The following OPCML variants were observed in gnomAD, a reference collection of about 807,000 sequenced individuals.
OPCML encodes opioid-binding protein/cell adhesion molecule.
Under a neutral mutation model 37.8 loss-of-function variants are expected in OPCML, and 13 were observed. The observed-to-expected ratio is 0.34, with a 90% CI of 0.22 to 0.55. The LOEUF is 0.55. OPCML is among the 20% of genes least tolerant of loss of function. The pLI, the probability that OPCML is intolerant of heterozygous loss-of-function variation, is 0.91. For missense variants in OPCML, 341 were observed against 435.6 expected (o/e 0.78, Z 1.93); for synonymous variants, 176 against 168.8 (o/e 1.04, Z -0.33).
At chr11:132,435,191 A>G in intron 7 of OPCML, 1 of 1,289,862 alleles carries the variant, frequency 7.8e-7, no homozygotes, top group Non-Finnish European at 1.0e-6. Flanking sequence ...TATTTCTAAG[A>G]CACACACAGC....
intron 1 of OPCML, among the ~76,000 whole-genome samples, chr11:133,356,128 C>T (rs987972832): frequency 1.3e-5 from 2 of 152,108 alleles, no homozygotes; most frequent in Non-Finnish European, 1.5e-5. Context: ...AATCTCTCTT[C>T]CCAATGCTAT....
At chr11:132,934,846 T>C (rs539249721) in intron 2 of OPCML, among the ~76,000 whole-genome samples, 1 of 152,156 alleles carries the variant, frequency 6.6e-6, no homozygotes, top group Admixed American at 6.5e-5. Context: ...AGGAATCAAA[T>C]AATACAAAAG....
intron 2 of OPCML, among the ~76,000 whole-genome samples, chr11:132,708,335 C>G (rs1944120198): frequency 6.6e-6 from 1 of 152,168 alleles, no homozygotes; most frequent in South Asian, 2.1e-4. Flanking sequence ...AACATACATA[C>G]ACTTTCTTTC....
chr11:132,428,094 C>T (rs968070169), intron 7 of OPCML, among the ~76,000 whole-genome samples: 5 of 152,140 alleles, frequency 3.3e-5, no homozygotes, highest in African/African-American at 9.7e-5. Flanking sequence ...ATGTGATGAA[C>T]GTCTTCCTAA....
intron 3 of OPCML, among the ~76,000 whole-genome samples, chr11:132,632,962 A>G (rs1940247910): frequency 1.3e-5 from 2 of 151,032 alleles, no homozygotes; most frequent in East Asian, 1.9e-4. Flanking sequence ...AAAAAAAAAA[A>G]ACCATCCAGG....
At chr11:132,842,252 C>G (rs934400171) in intron 2 of OPCML, among the ~76,000 whole-genome samples, 1 of 152,148 alleles carries the variant, frequency 6.6e-6, no homozygotes, top group Non-Finnish European at 1.5e-5. Context: ...TCAAGTCTTC[C>G]TCTCACGCCG....
intron 2 of OPCML, among the ~76,000 whole-genome samples, chr11:132,775,478 C>T (rs2001903): frequency 1.3e-5 from 2 of 151,964 alleles, no homozygotes; most frequent in African/African-American, 4.8e-5. Context: ...AACACACACA[C>T]ACCAACTCAC....
intron 1 of OPCML, among the ~76,000 whole-genome samples, chr11:133,248,253 G>C (rs148369624): frequency 6.6e-6 from 1 of 152,264 alleles, no homozygotes; most frequent in Non-Finnish European, 1.5e-5. Flanking sequence ...CCAAAGAAGT[G>C]ATTTTGAAAA....
At chr11:133,138,380 G>A (rs921413731) in intron 1 of OPCML, among the ~76,000 whole-genome samples, 16 of 152,110 alleles carry the variant, frequency 1.1e-4, no homozygotes, top group Non-Finnish European at 2.4e-4. Flanking sequence ...TTAAGACAAG[G>A]GGTACCTCTG....
chr11:133,273,809 T>C (rs527672122), intron 1 of OPCML, among the ~76,000 whole-genome samples: 1 of 152,140 alleles, frequency 6.6e-6, no homozygotes, highest in African/African-American at 2.4e-5. Context: ...TGCAAGCCAA[T>C]GTCCGTCATT....
intron 1 of OPCML, among the ~76,000 whole-genome samples, chr11:133,451,804 T>C (rs533688811): frequency 4.6e-5 from 7 of 151,234 alleles, no homozygotes; most frequent in Admixed American, 4.6e-4. Flanking sequence ...ACCACACCAT[T>C]GCAGCCCAGC....
chr11:132,698,623 G>A (rs1943693174), intron 2 of OPCML, among the ~76,000 whole-genome samples: 1 of 152,028 alleles, frequency 6.6e-6, no homozygotes, highest in South Asian at 2.1e-4. Flanking sequence ...TGCTGTATAT[G>A]TCTTTTAGTT....
intron 1 of OPCML, among the ~76,000 whole-genome samples, chr11:133,352,001 C>G (rs1237419481): frequency 6.6e-6 from 1 of 152,172 alleles, no homozygotes; most frequent in Non-Finnish European, 1.5e-5. Flanking sequence ...TTGCTGCCCC[C>G]ACAGGTTTTG....
At chr11:133,266,742 T>C (rs1333303261) in intron 1 of OPCML, among the ~76,000 whole-genome samples, 1 of 152,120 alleles carries the variant, frequency 6.6e-6, no homozygotes, top group Non-Finnish European at 1.5e-5. Context: ...ATGGGTTGAG[T>C]ATAAAGTATG....
At chr11:132,997,834 G>A (rs754540017) in intron 1 of OPCML, among the ~76,000 whole-genome samples, 1 of 152,188 alleles carries the variant, frequency 6.6e-6, no homozygotes, top group Non-Finnish European at 1.5e-5. Flanking sequence ...AGCACATCTT[G>A]GAGCTGATAC....
At position 133,237,365 on chromosome 11, in the gene OPCML, C is replaced by T. The variant is rs139021190; in HGVS notation, c.62-294355G>A. ...GTGGACAAAGCAAGGGTTCAGTGAG[C>T]ATTTCTTGAGAAGTTAGTGTGCTCT... On this transcript the variant is annotated intron_variant, in intron 1 of 7. Transcript: ENST00000524381. Among the ~76,000 whole-genome samples, 444 of 152,310 alleles carry T rather than the reference C, an allele frequency of 2.9e-3. 2 individuals carry two copies. Among genetic ancestry groups the T allele is most frequent in the African/African-American group, 9.6e-3 (400 of 41,570 alleles).
intron 7 of OPCML, among the ~76,000 whole-genome samples, chr11:132,429,585 G>A (rs1016594855): frequency 1.3e-5 from 2 of 152,128 alleles, no homozygotes; most frequent in Non-Finnish European, 2.9e-5. Flanking sequence ...AGACCCCTGC[G>A]GAATATTCAG....
At chr11:133,531,771 G>T (rs61912412) in intron 1 of OPCML, among the ~76,000 whole-genome samples, 1 of 148,964 alleles carries the variant, frequency 6.7e-6, no homozygotes. Flanking sequence ...GAGAGAGAGA[G>T]AAAAGAAACA....
At chr11:132,842,102 C>T (rs991803828) in intron 2 of OPCML, among the ~76,000 whole-genome samples, 2 of 152,070 alleles carry the variant, frequency 1.3e-5, no homozygotes, top group Non-Finnish European at 2.9e-5. Context: ...AACCACTTTC[C>T]TATTCATGAA....
Sources: gnomAD v4.1 joint callset for allele counts (sites outside exome capture counted in the v4.1 genomes callset) on GRCh38, gnomAD v4.1.1 for gene constraint, MANE v1.5 for transcripts, NCBI Gene and HGNC (gene_info 2026-07-23, HGNC 2026-07-21) for gene names.